The following TDRD3 variants were observed in gnomAD, a reference collection of about 807,000 sequenced individuals.
TDRD3 encodes the protein tudor domain containing 3, also known as tudor domain-containing protein 3.
In TDRD3, 45 loss-of-function variants were observed where a neutral mutation model predicts 86.7. That is an observed-to-expected ratio of 0.52 (90% CI 0.41 to 0.67). TDRD3 has a LOEUF of 0.67. Among genes scored for constraint, TDRD3 ranks in the 30% least tolerant of loss-of-function variants. The pLI is 0.00. For synonymous variants in TDRD3, 298 were observed against 301.7 expected, an observed-to-expected ratio of 0.99 and a Z score of 0.13; for missense variants, 814 against 889.0, an observed-to-expected ratio of 0.92 and a Z score of 1.07.
chr13:60,422,014 C>T (rs1449449528), intron 1 of TDRD3, among the ~76,000 whole-genome samples: 2 of 152,088 alleles, frequency 1.3e-5, no homozygotes, highest in Non-Finnish European at 2.9e-5. Context: ...AGGCATGTAA[C>T]TTAAAATAGA....
At position 60,530,188 on chromosome 13, in the gene TDRD3, T is replaced by TA. The variant is rs376567702; in HGVS notation, c.1992+973dup. On this transcript the variant is annotated intron_variant, in intron 11 of 13. Transcript: ENST00000377881. ...GTATCTTTTTGCACTACCATGATATTAAGTTCCTTGAAGGCTGGACTGTGC... is the reference window on the plus strand; with the variant it reads ...GTATCTTTTTGCACTACCATGATATTAAAGTTCCTTGAAGGCTGGACTGTGC... 4.6e-3 allele frequency among the ~76,000 whole-genome samples: 697 copies of TA among 152,350 alleles called. 2 individuals carry two copies. The highest frequency in any genetic ancestry group is 0.017 in the Middle Eastern group (5 of 294).
In TDRD3 at chr13:60,467,366, G is replaced by T. The variant is rs564733603; in HGVS notation, c.482G>T (p.Trp161Leu). 1.9e-6 allele frequency: 3 copies of T among 1,613,458 alleles called. No individual in the cohort carries two copies. The highest frequency in any genetic ancestry group is 1.7e-5 in the Admixed American group (1 of 59,896). The change falls in exon 5 of 14, where the codon TGG becomes TTG. Residue 161 changes from tryptophan to leucine, a missense_variant. Coordinates refer to ENST00000377881, the MANE Select transcript of TDRD3 (RefSeq NM_001146070.2). ...GAAGTGGAACACCTTATTGAGAAAT[G>T]GGAGTTACAGAGAGTAAGTGTAAAC... ...GGEVEHLIEKWELQRSLSKHN... is the reference protein window; with the variant it reads ...GGEVEHLIEKLELQRSLSKHN...
intron 12 of TDRD3, among the ~76,000 whole-genome samples, chr13:60,552,921 C>T (rs1372387436): frequency 3.3e-5 from 5 of 152,214 alleles, no homozygotes; most frequent in Non-Finnish European, 7.3e-5. Flanking sequence ...TGGGGCTGCA[C>T]AGAGCAGCAG....
At chr13:60,412,694 T>C (rs1212294072) in intron 1 of TDRD3, among the ~76,000 whole-genome samples, 3 of 152,194 alleles carry the variant, frequency 2.0e-5, no homozygotes, top group East Asian at 1.9e-4. Flanking sequence ...GGCCATTATA[T>C]TGGCCAACTG....
intron 5 of TDRD3, among the ~76,000 whole-genome samples, chr13:60,473,711 TGACCAGAA>T (rs1165074319): frequency 6.6e-6 from 1 of 152,168 alleles, no homozygotes; most frequent in African/African-American, 2.4e-5. Flanking sequence ...TGGTGAGAAG[TGACCAGAA>T]GACAAGAGTG....
intron 1 of TDRD3, among the ~76,000 whole-genome samples, chr13:60,421,201 A>C (rs928581068): frequency 2.0e-5 from 3 of 152,078 alleles, no homozygotes; most frequent in Non-Finnish European, 4.4e-5. Context: ...AATAAAAAAA[A>C]AGAGGTTTAA....
rs73542989 is a variant in TDRD3, at chr13:60,549,971, A to C, written c.2118+14738A>C. 2.4e-3 allele frequency among the ~76,000 whole-genome samples: 370 copies of C among 152,206 alleles called. 1 individual carries two copies. Among genetic ancestry groups the C allele is most frequent in the African/African-American group, 8.5e-3 (353 of 41,546 alleles). On this transcript the variant is annotated intron_variant, in intron 12 of 13. Coordinates refer to ENST00000377881, the MANE Select transcript of TDRD3 (RefSeq NM_001146070.2). ...TGATAATATAATTAATTTGTAAACT[A>C]CCATATAATAATCTTGTTGTGGCAT...
intron 10 of TDRD3, among the ~76,000 whole-genome samples, chr13:60,511,055 A>T (rs534716149): frequency 6.6e-6 from 1 of 152,174 alleles, no homozygotes; most frequent in East Asian, 1.9e-4. Flanking sequence ...GAAATTTATT[A>T]TAATCTTATA....
chr13:60,551,534 T>A (rs1176285481), intron 12 of TDRD3, among the ~76,000 whole-genome samples: 1 of 152,184 alleles, frequency 6.6e-6, no homozygotes, highest in African/African-American at 2.4e-5. Context: ...AGGAGTTGAG[T>A]ATCCATTCCA....
chr13:60,401,051 C>G (rs981590815), intron 1 of TDRD3, among the ~76,000 whole-genome samples: 6 of 152,044 alleles, frequency 3.9e-5, no homozygotes, highest in Non-Finnish European at 7.4e-5. Flanking sequence ...AGGGCTTATT[C>G]TGAGGGGTGA....
intron 1 of TDRD3, among the ~76,000 whole-genome samples, chr13:60,406,329 T>C (rs1954232903): frequency 6.6e-6 from 1 of 152,224 alleles, no homozygotes; most frequent in African/African-American, 2.4e-5. Flanking sequence ...TCAGATGTGC[T>C]ATAAATGTAA....
At chr13:60,568,112 T>TA (rs1448055098) in intron 13 of TDRD3, among the ~76,000 whole-genome samples, 1 of 152,172 alleles carries the variant, frequency 6.6e-6, no homozygotes, top group African/African-American at 2.4e-5. Context: ...TAGAATGTGA[T>TA]ATGTCTTTAT....
chr13:60,528,430 A>G lies in TDRD3; in HGVS notation c.1205A>G (p.Asn402Ser). Residue 402 changes from asparagine (N) to serine (S), a missense_variant, in exon 11 of 14, where the codon AAT becomes AGT. Physicochemically the swap from Asn to Ser is conservative, Grantham distance 46. Transcript: ENST00000377881. ...GQYRSSNTEQ[N>S]GVKDNNHLRH... ...TACAGATCATCAAATACTGAGCAAA[A>G]TGGAGTAAAAGATAATAATCATCTG... The G allele has an allele frequency of 6.2e-7, 1 of 1,610,162 alleles. No homozygotes were observed. The highest frequency in any genetic ancestry group is 8.5e-7 in the Non-Finnish European group (1 of 1,177,950).
intron 11 of TDRD3, among the ~76,000 whole-genome samples, chr13:60,531,831 A>G (rs1051864882): frequency 6.6e-6 from 1 of 152,006 alleles, no homozygotes; most frequent in Non-Finnish European, 1.5e-5. Context: ...AGCCATAGTT[A>G]AAAAAAACAA....
intron 5 of TDRD3, among the ~76,000 whole-genome samples, chr13:60,470,719 A>G (rs1956060209): frequency 6.7e-6 from 1 of 150,332 alleles, no homozygotes; most frequent in Non-Finnish European, 1.5e-5. Flanking sequence ...AGTAGCTGGG[A>G]TTACAGGTGT....
chr13:60,488,861 G>A lies in TDRD3; in HGVS notation c.717+2913G>A, dbSNP rs150694036. Among the ~76,000 whole-genome samples, 498 of 152,256 alleles carry A rather than the reference G, an allele frequency of 3.3e-3. 3 individuals are homozygous for A. Among genetic ancestry groups the A allele is most frequent in the African/African-American group, 0.011 (448 of 41,532 alleles). Reference sequence around the variant, plus strand: ...TCCAAAGTGCTGGGATTACACAGGCGTGAGCTACCATGCCTGGCCGGGTTT... The same window carrying A: ...TCCAAAGTGCTGGGATTACACAGGCATGAGCTACCATGCCTGGCCGGGTTT... On this transcript the variant is annotated intron_variant, in intron 7 of 13. Transcript: ENST00000377881.
intron 1 of TDRD3, among the ~76,000 whole-genome samples, chr13:60,429,404 G>A (rs539440398): frequency 6.6e-6 from 1 of 152,166 alleles, no homozygotes; most frequent in South Asian, 2.1e-4. Context: ...AATGTAAATT[G>A]TAAAATGGCT....
chr13:60,455,017 G>A (rs1303809004), intron 3 of TDRD3, among the ~76,000 whole-genome samples: 1 of 152,102 alleles, frequency 6.6e-6, no homozygotes, highest in Non-Finnish European at 1.5e-5. Context: ...GGATTTAAGC[G>A]ATTCTCCTGC....
chr13:60,397,353 TA>T lies in TDRD3; in HGVS notation c.-10del. 7.5e-7 allele frequency: 1 copy of T among 1,329,452 alleles called. No homozygotes were observed. Among genetic ancestry groups the T allele is most frequent in the Non-Finnish European group, 9.9e-7 (1 of 1,010,336 alleles). The allele number at this position is 1,329,452 out of a possible 1,614,324, so 82.4% of individuals were successfully genotyped here. A position where few individuals can be genotyped will look rare whatever the true frequency, so the allele number is the denominator to read the frequency against. On this transcript the variant is annotated 5_prime_UTR_variant, in exon 1 of 14. It removes the in-frame stop codon of an upstream open reading frame in the 5' UTR. Transcript: ENST00000377881. ...CCCCAGCCCCCCACCACCCCCGGCC[TA>T]AGCAGCTACCATGGCCCAGGTGGCC...
Sources: allele counts gnomAD v4.1 joint callset (sites outside exome capture counted in the v4.1 genomes callset), GRCh38; gene constraint gnomAD v4.1.1; transcripts MANE v1.5; gene names NCBI Gene and HGNC (gene_info 2026-07-23, HGNC 2026-07-21).